The following SIPA1L3 variants were observed in gnomAD, a reference collection of about 807,000 sequenced individuals.
SIPA1L3 encodes signal induced proliferation associated 1 like 3, also known as signal-induced proliferation-associated 1-like protein 3.
SIPA1L3 carries 59 observed loss-of-function variants against 150.1 expected under a neutral mutation model. The observed-to-expected ratio is 0.39, with a 90% CI of 0.32 to 0.49. SIPA1L3 has a LOEUF of 0.49. Ranked by LOEUF, SIPA1L3 falls within the 20% of genes least tolerant of loss-of-function variation. The pLI, the probability that SIPA1L3 is intolerant of heterozygous loss-of-function variation, is 0.86. For synonymous variants in SIPA1L3, 1,070 were observed against 1,077.6 expected (o/e 0.99, Z 0.14); for missense variants, 2,211 against 2,489.5 (o/e 0.89, Z 2.38).
intron 1 of SIPA1L3, among the ~76,000 whole-genome samples, chr19:37,927,078 A>G (rs1214946960): frequency 6.6e-6 from 1 of 150,590 alleles, no homozygotes; most frequent in Non-Finnish European, 1.5e-5. Flanking sequence ...TGTGATGCTG[A>G]GGTTTGGGGT....
chr19:38,107,534 CT>C (rs1423437673), intron 7 of SIPA1L3, among the ~76,000 whole-genome samples: 1 of 152,252 alleles, frequency 6.6e-6, no homozygotes, highest in Non-Finnish European at 1.5e-5. Flanking sequence ...CAGAGCAATT[CT>C]TCCAGTTCCT....
At chr19:38,133,058 A>G (rs924741969) in intron 10 of SIPA1L3, among the ~76,000 whole-genome samples, 6 of 152,152 alleles carry the variant, frequency 3.9e-5, no homozygotes, top group African/African-American at 1.4e-4. Context: ...CTATTGCTCC[A>G]CCACTGGTAT....
At chr19:37,931,166 T>C (rs2046550474) in intron 1 of SIPA1L3, among the ~76,000 whole-genome samples, 1 of 152,192 alleles carries the variant, frequency 6.6e-6, no homozygotes, top group African/African-American at 2.4e-5. Flanking sequence ...ATGTGATAAG[T>C]GCAGCTGATT....
At chr19:38,176,744 G>A (rs1057149169) in intron 15 of SIPA1L3, among the ~76,000 whole-genome samples, 3 of 152,106 alleles carry the variant, frequency 2.0e-5, no homozygotes, top group Admixed American at 6.6e-5. Context: ...GGTCAAGGCA[G>A]GTGGATCACC....
intron 1 of SIPA1L3, among the ~76,000 whole-genome samples, chr19:37,985,328 G>T (rs1967320877): frequency 6.6e-6 from 1 of 151,820 alleles, no homozygotes; most frequent in South Asian, 2.1e-4. Context: ...TCCTGATTGA[G>T]ACTAGAGTCA....
intron 1 of SIPA1L3, among the ~76,000 whole-genome samples, chr19:37,962,428 G>T (rs2046867010): frequency 6.9e-6 from 1 of 144,856 alleles, no homozygotes; most frequent in Admixed American, 7.0e-5. Flanking sequence ...ACAGGTGTGA[G>T]CCACCGTGCT....
chr19:37,912,820 T>C (rs561838983), intron 1 of SIPA1L3, among the ~76,000 whole-genome samples: 21 of 152,052 alleles, frequency 1.4e-4, no homozygotes, highest in Non-Finnish European at 2.4e-4. Context: ...AAACACCAGG[T>C]AGAAATAAGA....
At position 38,082,105 on chromosome 19, in the gene SIPA1L3, C is replaced by T. The variant is rs1001427944; in HGVS notation, c.540C>T (p.Asp180=). 21 of 1,608,536 alleles carry T rather than the reference C, an allele frequency of 1.3e-5. No individual in the cohort carries two copies. The highest frequency in any genetic ancestry group is 2.2e-5 in the East Asian group (1 of 44,832). Residue 180 remains aspartate, a synonymous_variant, in exon 3 of 22, where the codon GAC becomes GAT. Coordinates refer to ENST00000222345, the MANE Select transcript of SIPA1L3 (RefSeq NM_015073.3). ...SSSEITLSEC[D]AEDAGEPRGA... ...GCGAGATCACCCTCAGCGAGTGTGA[C>T]GCGGAGGACGCGGGGGAGCCGCGGG...
At chr19:37,961,212 A>T in intron 1 of SIPA1L3, among the ~76,000 whole-genome samples, 1 of 141,714 alleles carries the variant, frequency 7.1e-6, no homozygotes, top group Admixed American at 7.1e-5. Flanking sequence ...AGTGATGGGG[A>T]TCTCGCTGTG....
chr19:38,184,490 CT>C, intron 16 of SIPA1L3: 1 of 152,714 alleles, frequency 6.5e-6, no homozygotes, highest in Non-Finnish European at 1.5e-5. Context: ...TGTCCTCCCC[CT>C]TTTACAGATG....
Position 38,082,550 on chromosome 19 carries a change from G to T in SIPA1L3, c.985G>T (p.Glu329Ter). 6.2e-7 allele frequency: 1 copy of T among 1,601,982 alleles called. No homozygotes were observed. ...GEADEGRSPP[E>*]ASRPWVCQKS... ...GGCCGACGAGGGCCGGAGCCCCCCG[G>T]AAGCCAGCAGGCCGTGGGTGTGTCA... Residue 329 changes from glutamate (E) to a stop codon, truncating the protein, a stop_gained, in exon 3 of 22, where the codon GAA becomes TAA. Transcript: ENST00000222345. LOFTEE classifies it high-confidence loss of function.
At chr19:37,984,170 G>A (rs1170527741) in intron 1 of SIPA1L3, among the ~76,000 whole-genome samples, 1 of 152,196 alleles carries the variant, frequency 6.6e-6, no homozygotes, top group Admixed American at 6.5e-5. Flanking sequence ...GGGCAGCGAG[G>A]CGGTTAAGGG....
chr19:37,996,208 G>C (rs947257409), intron 1 of SIPA1L3, among the ~76,000 whole-genome samples: 3 of 152,080 alleles, frequency 2.0e-5, no homozygotes, highest in East Asian at 1.9e-4. Flanking sequence ...GATTATAGGC[G>C]TGAGCCAGCA....
At chr19:38,120,102 T>G (rs1269806576) in intron 9 of SIPA1L3, among the ~76,000 whole-genome samples, 2 of 152,060 alleles carry the variant, frequency 1.3e-5, no homozygotes, top group African/African-American at 4.8e-5. Flanking sequence ...TGCTATTACC[T>G]TGGAAAGACA....
At chr19:38,108,937 C>T (rs1364572308) in intron 7 of SIPA1L3, among the ~76,000 whole-genome samples, 2 of 151,816 alleles carry the variant, frequency 1.3e-5, no homozygotes, top group Non-Finnish European at 1.5e-5. Flanking sequence ...TGCAGTGAGC[C>T]GAGATCGCAC....
chr19:37,966,306 A>T (rs991488605), intron 1 of SIPA1L3, among the ~76,000 whole-genome samples: 2 of 152,098 alleles, frequency 1.3e-5, no homozygotes, highest in Non-Finnish European at 2.9e-5. Context: ...CCAGCCACAC[A>T]TGTCCCCTTG....
intron 3 of SIPA1L3, among the ~76,000 whole-genome samples, chr19:38,085,427 C>A (rs1245235256): frequency 6.7e-6 from 1 of 150,018 alleles, no homozygotes; most frequent in Non-Finnish European, 1.5e-5. Flanking sequence ...TTGCAGTGAG[C>A]CGAGATCGCG....
At chr19:38,184,187 T>C (rs867901927) in intron 16 of SIPA1L3, among the ~76,000 whole-genome samples, 4 of 149,516 alleles carry the variant, frequency 2.7e-5, no homozygotes, top group Non-Finnish European at 4.5e-5. Context: ...ACCCCACCCC[T>C]TTTTTTTTGA....
chr19:38,162,247 C>T lies in SIPA1L3; in HGVS notation c.3662-6C>T. On this transcript the variant is annotated splice_region_variant and splice_polypyrimidine_tract_variant and intron_variant, in intron 13 of 21. Coordinates refer to ENST00000222345, the MANE Select transcript of SIPA1L3 (RefSeq NM_015073.3). The stretch of plus-strand genomic sequence containing the variant: ...AACCACTGGTGTGTCTCCTGTTTTC[C>T]TACAGAGCCTTTGTGGCATGTGCCT... 1 of 1,613,068 alleles carries T rather than the reference C, an allele frequency of 6.2e-7. No homozygotes were observed. The highest frequency in any genetic ancestry group is 8.5e-7 in the Non-Finnish European group (1 of 1,178,978).
Sources: allele counts gnomAD v4.1 joint callset (sites outside exome capture counted in the v4.1 genomes callset), GRCh38; gene constraint gnomAD v4.1.1; transcripts MANE v1.5; gene names NCBI Gene and HGNC (gene_info 2026-07-23, HGNC 2026-07-21).